The following COL4A1 variants were observed in gnomAD, a reference collection of about 807,000 sequenced individuals.
The protein encoded by COL4A1 is collagen type IV alpha 1 chain, also known as collagen alpha-1(IV) chain.
In COL4A1, 40 loss-of-function variants were observed where a neutral mutation model predicts 216.6. That is an observed-to-expected ratio of 0.18 (90% CI 0.14 to 0.24). The LOEUF (loss-of-function observed/expected upper bound fraction) is 0.24, where lower values mean the gene tolerates loss of function less well. Ranked by LOEUF, COL4A1 falls within the 10% of genes least tolerant of loss-of-function variation. The pLI is 1.00. For missense variants in COL4A1, 1,628 were observed against 2,196.8 expected, an observed-to-expected ratio of 0.74 and a Z score of 5.18; for synonymous variants, 839 against 810.7, an observed-to-expected ratio of 1.03 and a Z score of -0.59.
intron 51 of COL4A1, among the ~76,000 whole-genome samples, chr13:110,150,932 C>T (rs1013311082): frequency 1.3e-5 from 2 of 152,166 alleles, no homozygotes; most frequent in Non-Finnish European, 2.9e-5. Context: ...TGGAGTAATT[C>T]CCTAGACCTC....
chr13:110,179,093 T>G (rs1355580538), intron 30 of COL4A1, 57 bp from the exon 31 acceptor site: 1 of 1,556,286 alleles, frequency 6.4e-7, no homozygotes, highest in Non-Finnish European at 8.8e-7. Context: ...TCTCCCGGCC[T>G]AGGAGACCCA....
chr13:110,240,093 A>G (rs1881493314), intron 2 of COL4A1, among the ~76,000 whole-genome samples: 1 of 152,242 alleles, frequency 6.6e-6, no homozygotes, highest in Non-Finnish European at 1.5e-5. Context: ...TCCTAGGCCT[A>G]GACTTCAAGA....
chr13:110,179,181 A>C, intron 30 of COL4A1, 90 bp downstream of exon 30: 1 of 1,581,494 alleles, frequency 6.3e-7, no homozygotes, highest in South Asian at 1.1e-5. Flanking sequence ...CAACAAATAC[A>C]TATCAAATAT....
At chr13:110,275,601 T>G (rs909230398) in intron 1 of COL4A1, among the ~76,000 whole-genome samples, 2 of 152,224 alleles carry the variant, frequency 1.3e-5, no homozygotes, top group Non-Finnish European at 2.9e-5. Context: ...TGCACATGGA[T>G]GTTTACAGCA....
chr13:110,292,666 A>C (rs890112478), intron 1 of COL4A1, among the ~76,000 whole-genome samples: 25 of 152,146 alleles, frequency 1.6e-4, no homozygotes, highest in Admixed American at 6.5e-5. Context: ...AATTTTTAAA[A>C]CCATCAAATC....
intron 1 of COL4A1, among the ~76,000 whole-genome samples, chr13:110,304,708 AT>A (rs1385924726): frequency 6.6e-6 from 1 of 152,254 alleles, no homozygotes; most frequent in Non-Finnish European, 1.5e-5. Context: ...CGTAAACAAT[AT>A]GACCATAGCA....
At chr13:110,220,099 C>T (rs987748133) in intron 2 of COL4A1, among the ~76,000 whole-genome samples, 3 of 151,492 alleles carry the variant, frequency 2.0e-5, no homozygotes, top group Non-Finnish European at 2.9e-5. Flanking sequence ...CACCATGCGC[C>T]GCTAATTTTT....
At chr13:110,259,263 C>T (rs1467916391) in intron 1 of COL4A1, among the ~76,000 whole-genome samples, 5 of 152,152 alleles carry the variant, frequency 3.3e-5, no homozygotes, top group Non-Finnish European at 7.3e-5. Flanking sequence ...TATTTTTTAG[C>T]TCATTGACCC....
intron 42 of COL4A1, 126 bp from the exon 43 acceptor site, chr13:110,169,888 C>A: frequency 1.5e-6 from 2 of 1,377,590 alleles, no homozygotes; most frequent in Non-Finnish European, 2.0e-6. Context: ...CAGTGACAAC[C>A]CTTGAGACAG....
chr13:110,235,018 G>A (rs1024765723), intron 2 of COL4A1, among the ~76,000 whole-genome samples: 3 of 152,158 alleles, frequency 2.0e-5, no homozygotes, highest in East Asian at 1.9e-4. Context: ...TTTTTAATGC[G>A]TTTTGATTTT....
At chr13:110,170,804 G>A in intron 41 of COL4A1, 72 bp from the exon 42 acceptor site, 5 of 1,526,770 alleles carry the variant, frequency 3.3e-6, no homozygotes, top group South Asian at 1.1e-5. Flanking sequence ...GTGGACGGCA[G>A]AGATGGGATG....
intron 43 of COL4A1, among the ~76,000 whole-genome samples, chr13:110,168,792 C>T (rs540727722): frequency 2.6e-5 from 4 of 152,232 alleles, no homozygotes; most frequent in Non-Finnish European, 5.9e-5. Context: ...TTCATGATCT[C>T]CCCTGATATA....
At chr13:110,256,425 T>A (rs1280643937) in intron 1 of COL4A1, among the ~76,000 whole-genome samples, 1 of 152,198 alleles carries the variant, frequency 6.6e-6, no homozygotes, top group Non-Finnish European at 1.5e-5. Context: ...TGAGTGGTGC[T>A]GCCCTGTCAG....
chr13:110,252,640 T>TATAATATGTA (rs1566416334), intron 1 of COL4A1, among the ~76,000 whole-genome samples: 1 of 1,288 alleles, frequency 7.8e-4, no homozygotes, highest in Admixed American at 0.029. Flanking sequence ...TTATATATAC[T>TATAATATGTA]TATATACAAA....
intron 45 of COL4A1, among the ~76,000 whole-genome samples, chr13:110,165,512 C>T (rs566687785): frequency 3.9e-5 from 6 of 152,090 alleles, no homozygotes; most frequent in Admixed American, 3.9e-4. Context: ...TCCCCTCAGC[C>T]TCCCCGTTTT....
intron 2 of COL4A1, among the ~76,000 whole-genome samples, chr13:110,219,712 G>A (rs1310963397): frequency 6.5e-5 from 7 of 107,842 alleles, no homozygotes; most frequent in Admixed American, 2.9e-4. Context: ...ATATACATAT[G>A]TGTATATATA....
intron 1 of COL4A1, among the ~76,000 whole-genome samples, chr13:110,285,754 T>C (rs1883818443): frequency 6.6e-6 from 1 of 152,186 alleles, no homozygotes; most frequent in African/African-American, 2.4e-5. Flanking sequence ...CTCCCAGTTC[T>C]CAGGACTTCA....
chr13:110,244,785 T>G (rs1169081850), intron 1 of COL4A1, among the ~76,000 whole-genome samples: 1 of 152,166 alleles, frequency 6.6e-6, no homozygotes, highest in Non-Finnish European at 1.5e-5. Context: ...CCCGTAGCAT[T>G]GAGCCTGATG....
chr13:110,174,127 G>A, intron 39 of COL4A1, 129 bp from the exon 40 acceptor site: 4 of 1,052,692 alleles, frequency 3.8e-6, no homozygotes, highest in South Asian at 1.4e-5. Context: ...GTTTTCCTGA[G>A]GTCAGTTCTG....
Sources: allele counts gnomAD v4.1 joint callset (sites outside exome capture counted in the v4.1 genomes callset), GRCh38; gene constraint gnomAD v4.1.1; transcripts MANE v1.5; gene names NCBI Gene and HGNC (gene_info 2026-07-23, HGNC 2026-07-21).